Variants in SEC23A observed in about 807,000 individuals in gnomAD.
SEC23A encodes the protein protein transport protein Sec23A.
In SEC23A, 56 loss-of-function variants were observed where a neutral mutation model predicts 103.7. The ratio of observed to expected loss-of-function variants is 0.54; its 90% CI spans 0.44 to 0.67. The LOEUF (loss-of-function observed/expected upper bound fraction) is 0.67, where lower values mean the gene tolerates loss of function less well. SEC23A is among the 30% of genes least tolerant of loss of function. SEC23A has a pLI of 0.00. For missense variants in SEC23A, 784 were observed against 936.4 expected, an observed-to-expected ratio of 0.84 and a Z score of 2.12; for synonymous variants, 281 against 293.0, an observed-to-expected ratio of 0.96 and a Z score of 0.42.
At chr14:39,033,592 G>T (rs542033214) in intron 19 of SEC23A, among the ~76,000 whole-genome samples, 1 of 152,262 alleles carries the variant, frequency 6.6e-6, no homozygotes, top group East Asian at 1.9e-4. Context: ...TCAGGATGGC[G>T]GCTAGTCACC....
intron 5 of SEC23A, among the ~76,000 whole-genome samples, chr14:39,090,350 C>A (rs1317820127): frequency 6.6e-6 from 1 of 152,004 alleles, no homozygotes. Flanking sequence ...TACCAACTAT[C>A]CCCCAATACA....
intron 14 of SEC23A, 70 bp downstream of exon 14, chr14:39,055,073 T>C: frequency 6.3e-7 from 1 of 1,576,050 alleles, no homozygotes. Flanking sequence ...TTGAAAGAGA[T>C]TATCTGCAAC....
intron 9 of SEC23A, 106 bp downstream of exon 9, chr14:39,074,309 G>C (rs1886937084): frequency 2.6e-6 from 2 of 774,606 alleles, no homozygotes; most frequent in African/African-American, 3.4e-5. Context: ...TTGCCTTGAA[G>C]TAGTGGGAAG....
chr14:39,093,466 A>G (rs1887734512), intron 2 of SEC23A, among the ~76,000 whole-genome samples: 1 of 152,200 alleles, frequency 6.6e-6, no homozygotes, highest in African/African-American at 2.4e-5. Flanking sequence ...CTTTTAACAT[A>G]TAGTAAATAT....
At chr14:39,035,712 G>A (rs1287236712) in intron 19 of SEC23A, among the ~76,000 whole-genome samples, 1 of 152,084 alleles carries the variant, frequency 6.6e-6, no homozygotes, top group African/African-American at 2.4e-5. Context: ...GCTCTCTCCT[G>A]TCCAGATCTA....
intron 10 of SEC23A, among the ~76,000 whole-genome samples, chr14:39,065,472 C>A (rs1411025321): frequency 6.6e-6 from 1 of 152,076 alleles, no homozygotes; most frequent in Non-Finnish European, 1.5e-5. Context: ...CTGACATATG[C>A]AGAATACCAC....
At chr14:39,102,649 T>C (rs1367978068) in intron 1 of SEC23A, among the ~76,000 whole-genome samples, 1 of 152,154 alleles carries the variant, frequency 6.6e-6, no homozygotes, top group Non-Finnish European at 1.5e-5. Context: ...ACGTAGTCAA[T>C]TGGGTTCAAA....
chr14:39,045,008 A>G (rs1431003842), intron 16 of SEC23A, among the ~76,000 whole-genome samples, 155 bp downstream of exon 16: 2 of 152,230 alleles, frequency 1.3e-5, no homozygotes, highest in Non-Finnish European at 2.9e-5. Flanking sequence ...ACATTCATAA[A>G]TATTTTAAGC....
rs1487589936 is a variant in SEC23A at position 39,032,929 on chromosome 14, T to A, written c.*310A>T. 1 of 252,486 alleles carries A rather than the reference T, an allele frequency of 4.0e-6. No homozygotes were observed. Among genetic ancestry groups the A allele is most frequent in the African/African-American group, 2.2e-5 (1 of 44,848 alleles). 15.6% of individuals were successfully genotyped at this position (252,486 alleles called of 1,614,324 possible). A position where few individuals can be genotyped will look rare whatever the true frequency, so the allele number is the denominator to read the frequency against. ...TGCCACTTTGGGTCTGTCTGCAATA[T>A]ACAAATGAGTTACATCTGTAGTACG... On this transcript the variant is annotated 3_prime_UTR_variant, in exon 20 of 20. Transcript: ENST00000307712.
intron 7 of SEC23A, among the ~76,000 whole-genome samples, chr14:39,079,528 T>A (rs935040763): frequency 6.6e-6 from 1 of 152,014 alleles, no homozygotes; most frequent in African/African-American, 2.4e-5. Context: ...ATTTTTAAAG[T>A]CATATGATTA....
rs56911438 is a variant in SEC23A at position 39,041,409 on chromosome 14, C to CAAAAAAAAAAAAAAAAAAAAAAAAAA, written c.1987-523_1987-522insTTTTTTTTTTTTTTTTTTTTTTTTTT. On this transcript the variant is annotated intron_variant, in intron 17 of 19. Transcript: ENST00000307712. ...AAATCACCATAAAACAAAGAAAAAG[C>CAAAAAAAAAAAAAAAAAAAAAAAAAA]AAAAAAAAAAAAAAAAAAAAAAAAA... The CAAAAAAAAAAAAAAAAAAAAAAAAAA allele has an allele frequency of 1.4e-3, 21 of 14,644 alleles. 3 individuals are homozygous for CAAAAAAAAAAAAAAAAAAAAAAAAAA. Among genetic ancestry groups the CAAAAAAAAAAAAAAAAAAAAAAAAAA allele is most frequent in the Admixed American group, 4.6e-3 (3 of 658 alleles). 0.9% of individuals were successfully genotyped at this position (14,644 alleles called of 1,614,324 possible).
chr14:39,065,997 CA>C (rs59260008), intron 10 of SEC23A, among the ~76,000 whole-genome samples: 1 of 80,556 alleles, frequency 1.2e-5, no homozygotes, highest in Admixed American at 1.4e-4. Context: ...AACTCCATCT[CA>C]AAAAAAAAAA....
chr14:39,060,089 ATGTGTGCACACACATGTGTGTG>A (rs538925665), intron 13 of SEC23A, among the ~76,000 whole-genome samples: 218 of 148,440 alleles, frequency 1.5e-3, no homozygotes, highest in Non-Finnish European at 2.3e-3. Context: ...GTCAAATTTA[ATGTGTGCACACACATGTGTGTG>A]TGTGTGCACA....
At position 39,074,465 on chromosome 14, in the gene SEC23A, T is replaced by A. The variant is rs376899746; in HGVS notation, c.1053A>T (p.Ala351=). ...TCTCCAGGAGACCTGTCTGATCTAATGCACACGCATAGATATCAATAACAT... is the reference window on the plus strand; with the variant it reads ...TCTCCAGGAGACCTGTCTGATCTAAAGCACACGCATAGATATCAATAACAT... ...TGHVIDIYAC[A]LDQTGLLEMK... Residue 351 remains alanine (A), a synonymous_variant, in exon 9 of 20, where the codon GCA becomes GCT. Coordinates refer to ENST00000307712, the MANE Select transcript of SEC23A (RefSeq NM_006364.4). The A allele has an allele frequency of 3.2e-5, 52 of 1,613,596 alleles. No homozygotes were observed. Among genetic ancestry groups the A allele is most frequent in the Non-Finnish European group, 4.3e-5 (51 of 1,179,804 alleles).
At chr14:39,033,645 G>GGAGTGTCTTTATTCAT (rs1232056853) in intron 19 of SEC23A, among the ~76,000 whole-genome samples, 19 of 151,910 alleles carry the variant, frequency 1.3e-4, no homozygotes, top group Admixed American at 2.0e-4. Context: ...GCTTTTAAAA[G>GGAGTGTCTTTATTCAT]AAAGCCTGAC....
chr14:39,079,173 C>T (rs556385363), intron 7 of SEC23A, among the ~76,000 whole-genome samples: 4 of 151,930 alleles, frequency 2.6e-5, no homozygotes, highest in Non-Finnish European at 5.9e-5. Context: ...AATTCTATAG[C>T]CACCCAAACT....
chr14:39,045,040 T>G, intron 16 of SEC23A, 123 bp downstream of exon 16: 1 of 804,210 alleles, frequency 1.2e-6, no homozygotes, highest in Non-Finnish European at 2.1e-6. Context: ...TAGGTTGAGA[T>G]GTCCATTCTT....
At chr14:39,059,411 C>G (rs1342309036) in intron 13 of SEC23A, among the ~76,000 whole-genome samples, 1 of 150,578 alleles carries the variant, frequency 6.6e-6, no homozygotes, top group Non-Finnish European at 1.5e-5. Context: ...CCATAACACA[C>G]ATATGTCTCT....
chr14:39,075,833 G>A, intron 8 of SEC23A, 102 bp downstream of exon 8: 2 of 965,700 alleles, frequency 2.1e-6, no homozygotes, highest in Admixed American at 3.9e-5. Context: ...GTATCAAACT[G>A]TATAATACCA....
Sources: allele counts gnomAD v4.1 joint callset (sites outside exome capture counted in the v4.1 genomes callset), GRCh38; gene constraint gnomAD v4.1.1; transcripts MANE v1.5; gene names NCBI Gene and HGNC (gene_info 2026-07-23, HGNC 2026-07-21).